The following PAPOLA variants were observed in gnomAD, a reference collection of about 807,000 sequenced individuals.
PAPOLA encodes polynucleotide adenylyltransferase alpha.
In PAPOLA, 15 loss-of-function variants were observed where a neutral mutation model predicts 100.6. The observed-to-expected ratio is 0.15, with a 90% CI of 0.10 to 0.23. The LOEUF (loss-of-function observed/expected upper bound fraction) is 0.23. Ranked by LOEUF, PAPOLA falls within the 10% of genes least tolerant of loss-of-function variation. PAPOLA has a pLI of 1.00. For missense variants in PAPOLA, 533 were observed against 884.2 expected (o/e 0.60, Z 5.04); for synonymous variants, 293 against 300.0 (o/e 0.98, Z 0.24).
intron 19 of PAPOLA, among the ~76,000 whole-genome samples, chr14:96,558,058 A>T (rs1352694481): frequency 1.3e-5 from 2 of 152,116 alleles, no homozygotes; most frequent in African/African-American, 2.4e-5. Context: ...AACTTAGAAG[A>T]TGTGTTCTGA....
Position 96,565,351 on chromosome 14 carries a change from T to C in PAPOLA, c.*301T>C. ...ATAATTGACATCTGGATTGGGTTTA[T>C]GTTTGATGCATTGTTTGGAAAATTT... On this transcript the variant is annotated 3_prime_UTR_variant, in exon 22 of 22. Coordinates refer to ENST00000216277, the MANE Select transcript of PAPOLA (RefSeq NM_032632.5). 3.2e-6 allele frequency: 1 copy of C among 312,066 alleles called. No homozygotes were observed. The highest frequency in any genetic ancestry group is 5.9e-6 in the Non-Finnish European group (1 of 170,732). 19.3% of individuals were successfully genotyped at this position (312,066 alleles called of 1,614,324 possible).
At chr14:96,556,434 T>C (rs765969292) in intron 19 of PAPOLA, 21 bp downstream of exon 19, 5 of 1,486,806 alleles carry the variant, frequency 3.4e-6, no homozygotes, top group South Asian at 2.3e-5. Context: ...GAAAAACATA[T>C]TAGTTAGCCA....
Position 96,560,598 on chromosome 14 carries a change from A to G in PAPOLA, c.2005-51A>G, listed in dbSNP as rs757597853. 7 of 1,227,060 alleles carry G rather than the reference A, an allele frequency of 5.7e-6. No individual in the cohort carries two copies. In the South Asian group the frequency reaches 8.8e-5, roughly 15 times the overall value. The allele number at this position is 1,227,060 out of a possible 1,614,324, so 76.0% of individuals were successfully genotyped here. A position where few individuals can be genotyped will look rare whatever the true frequency, so the allele number is the denominator to read the frequency against. ...TATAAAGTAAAGCATTGATTGGCAAATAATCTAAATTTTTCATTTTAGAGA... is the reference window on the plus strand; with the variant it reads ...TATAAAGTAAAGCATTGATTGGCAAGTAATCTAAATTTTTCATTTTAGAGA... On this transcript the variant is annotated intron_variant, in intron 19 of 21. Coordinates refer to ENST00000216277, the MANE Select transcript of PAPOLA (RefSeq NM_032632.5).
chr14:96,519,996 T>C (rs1390663116), intron 1 of PAPOLA, 59 bp from the exon 2 acceptor site: 12 of 1,386,234 alleles, frequency 8.7e-6, no homozygotes, highest in Non-Finnish European at 1.2e-5. Flanking sequence ...CTGGTCTTAC[T>C]GATTTGTTTC....
In PAPOLA at chr14:96,530,505, G is replaced by GC. The variant is rs560061771; in HGVS notation, c.496-963dup. Among the ~76,000 whole-genome samples the GC allele has an allele frequency of 3.9e-3, 585 of 150,958 alleles. 5 individuals carry two copies. The highest frequency in any genetic ancestry group is 0.014 in the African/African-American group (558 of 41,114). On this transcript the variant is annotated intron_variant, in intron 6 of 21. Coordinates refer to ENST00000216277, the MANE Select transcript of PAPOLA (RefSeq NM_032632.5). The stretch of plus-strand genomic sequence containing the variant: ...GGGCTCAAGGGATCCTCCTACCTCA[G>GC]CCCCCCCAAGTAGGTGGGACTACAG...
intron 14 of PAPOLA, among the ~76,000 whole-genome samples, 164 bp from the exon 15 acceptor site, chr14:96,543,985 A>C (rs960966222): frequency 6.6e-6 from 1 of 152,088 alleles, no homozygotes; most frequent in Non-Finnish European, 1.5e-5. Context: ...TATAGAGGAC[A>C]GGTGTGGGTG....
At chr14:96,521,558 T>C (rs1287004623) in intron 3 of PAPOLA, among the ~76,000 whole-genome samples, 2 of 152,084 alleles carry the variant, frequency 1.3e-5, no homozygotes, top group Non-Finnish European at 2.9e-5. Flanking sequence ...GACACCATTA[T>C]AGTGCACTGT....
chr14:96,560,874 G>A lies in PAPOLA; in HGVS notation c.2067+163G>A, dbSNP rs551421382. ...TGCTGAACACTGAAGGGAATATTGT[G>A]ATGAGTGAAACACATTCTGTGCCTT... is the stretch of plus-strand genomic sequence containing the variant. On this transcript the variant is annotated intron_variant, in intron 20 of 21. Coordinates refer to ENST00000216277, the MANE Select transcript of PAPOLA (RefSeq NM_032632.5). Among the ~76,000 whole-genome samples the A allele has an allele frequency of 2.6e-4, 39 of 152,238 alleles. No individual in the cohort carries two copies. The South Asian group carries it at 7.0e-3, about 28-fold the overall frequency.
intron 9 of PAPOLA, 52 bp from the exon 10 acceptor site, chr14:96,534,439 T>G: frequency 6.3e-7 from 1 of 1,597,194 alleles, no homozygotes; most frequent in East Asian, 2.2e-5. Flanking sequence ...CAAAATACGT[T>G]TAGATGGTAA....
At chr14:96,563,445 G>A (rs759250279) in intron 21 of PAPOLA, among the ~76,000 whole-genome samples, 47 of 152,088 alleles carry the variant, frequency 3.1e-4, no homozygotes, top group Non-Finnish European at 5.7e-4. Flanking sequence ...TCATTGATTT[G>A]TGAACCTTCA....
intron 3 of PAPOLA, among the ~76,000 whole-genome samples, chr14:96,523,134 G>T (rs8012579): frequency 0.18 from 27,396 of 149,346 alleles, 3,431 homozygotes; most frequent in East Asian, 0.61. Context: ...TAGAAAATAA[G>T]ATTTTTTTTT....
intron 3 of PAPOLA, 106 bp downstream of exon 3, chr14:96,521,178 TG>T (rs1291977148): frequency 1.5e-6 from 1 of 683,776 alleles, no homozygotes; most frequent in African/African-American, 1.8e-5. Context: ...GAGTCTTTAA[TG>T]TGGAGTCAAT....
At chr14:96,517,997 C>G (rs1349696766) in intron 1 of PAPOLA, among the ~76,000 whole-genome samples, 2 of 152,084 alleles carry the variant, frequency 1.3e-5, no homozygotes, top group Non-Finnish European at 2.9e-5. Flanking sequence ...AGACACCATG[C>G]TTGGGCCAGT....
At chr14:96,549,006 G>T (rs530185735) in intron 16 of PAPOLA, among the ~76,000 whole-genome samples, 86 of 152,044 alleles carry the variant, frequency 5.7e-4, no homozygotes, top group African/African-American at 2.0e-3. Context: ...TCTTATTCTT[G>T]ATTTGTCTCA....
intron 17 of PAPOLA, among the ~76,000 whole-genome samples, chr14:96,554,455 T>C (rs1398890908): frequency 6.6e-6 from 1 of 152,252 alleles, no homozygotes; most frequent in Non-Finnish European, 1.5e-5. Context: ...ACCAATGATA[T>C]CCATAGCTTT....
At chr14:96,503,046 C>G (rs888349627) in intron 1 of PAPOLA, 2 of 172,810 alleles carry the variant, frequency 1.2e-5, no homozygotes, top group Non-Finnish European at 2.5e-5. Context: ...TGTTGCTTTT[C>G]TGTTCCTGGT....
chr14:96,550,282 C>T (rs184653568), intron 16 of PAPOLA, among the ~76,000 whole-genome samples: 213 of 152,224 alleles, frequency 1.4e-3, no homozygotes, highest in African/African-American at 4.9e-3. Context: ...ATTTAATAAA[C>T]AGCTATTTAT....
At chr14:96,514,331 G>A (rs1054589196) in intron 1 of PAPOLA, among the ~76,000 whole-genome samples, 3 of 151,718 alleles carry the variant, frequency 2.0e-5, no homozygotes, top group Non-Finnish European at 4.4e-5. Flanking sequence ...CTGCCACCAC[G>A]CCCGGCTAAT....
intron 1 of PAPOLA, among the ~76,000 whole-genome samples, chr14:96,515,633 C>T (rs1163622624): frequency 2.0e-5 from 3 of 152,150 alleles, no homozygotes; most frequent in Admixed American, 6.5e-5. Context: ...AGAATTCAGG[C>T]AGTACCCTGA....
Sources: allele counts gnomAD v4.1 joint callset (sites outside exome capture counted in the v4.1 genomes callset), GRCh38; gene constraint gnomAD v4.1.1; transcripts MANE v1.5; gene names NCBI Gene and HGNC (gene_info 2026-07-23, HGNC 2026-07-21).